PLEKHA7: variants seen among roughly 807,000 people sequenced by gnomAD.
PLEKHA7 encodes pleckstrin homology domain containing A7, also known as pleckstrin homology domain-containing family A member 7.
PLEKHA7 carries 104 observed loss-of-function variants against 170.0 expected under a neutral mutation model. The ratio of observed to expected loss-of-function variants is 0.61; its 90% CI spans 0.52 to 0.72. The LOEUF (loss-of-function observed/expected upper bound fraction) is 0.72, where lower values mean the gene tolerates loss of function less well. Among genes scored for constraint, PLEKHA7 ranks in the 30% least tolerant of loss-of-function variants. PLEKHA7 has a pLI of 0.00. For synonymous variants in PLEKHA7, 648 were observed against 660.8 expected (o/e 0.98, Z 0.30); for missense variants, 1,615 against 1,671.7 (o/e 0.97, Z 0.59).
chr11:16,941,820 A>T (rs921094429), intron 3 of PLEKHA7, among the ~76,000 whole-genome samples: 4 of 152,226 alleles, frequency 2.6e-5, no homozygotes, highest in African/African-American at 7.2e-5. Context: ...AACCTAATAC[A>T]TAAAGTAAAG....
rs966706280 is a variant in PLEKHA7 at position 16,831,837 on chromosome 11, G to A, written c.873-5247C>T. Among the ~76,000 whole-genome samples, 22 of 152,314 alleles carry A rather than the reference G, an allele frequency of 1.4e-4. No individual in the cohort carries two copies. The East Asian group carries it at 4.0e-3, about 28-fold the overall frequency. On this transcript the variant is annotated intron_variant, in intron 9 of 26. Transcript: ENST00000531066. ...CAGCACAGTGTCTGGCACACAGTAT[G>A]CCCTCAGATACAAATGTCTTCACTA... is the stretch of plus-strand genomic sequence containing the variant.
intron 3 of PLEKHA7, among the ~76,000 whole-genome samples, chr11:16,999,411 T>C (rs189288079): frequency 1.3e-5 from 2 of 152,046 alleles, no homozygotes; most frequent in East Asian, 1.9e-4. Flanking sequence ...CAGGCAGACA[T>C]AGGCCTCATT....
chr11:17,010,777 T>C (rs905742463), intron 3 of PLEKHA7, among the ~76,000 whole-genome samples: 5 of 152,068 alleles, frequency 3.3e-5, no homozygotes, highest in African/African-American at 1.2e-4. Context: ...TAGAGGAGGC[T>C]CCTGCCCTCA....
At chr11:16,814,223 A>G (rs998305083) in intron 12 of PLEKHA7, among the ~76,000 whole-genome samples, 3 of 152,222 alleles carry the variant, frequency 2.0e-5, no homozygotes, top group Non-Finnish European at 4.4e-5. Flanking sequence ...GTCCCTACAC[A>G]CTTGCCATAG....
intron 3 of PLEKHA7, among the ~76,000 whole-genome samples, chr11:17,000,679 T>C (rs1864611941): frequency 6.6e-6 from 1 of 152,222 alleles, no homozygotes; most frequent in Admixed American, 6.5e-5. Context: ...CTATATAGCA[T>C]GTACAAGTTG....
At chr11:16,992,664 G>A (rs138494730) in intron 3 of PLEKHA7, among the ~76,000 whole-genome samples, 7,729 of 151,586 alleles carry the variant, frequency 0.051, 373 homozygotes, top group East Asian at 0.15. Flanking sequence ...GCAGAGGCAG[G>A]AGAATCACTT....
intron 3 of PLEKHA7, among the ~76,000 whole-genome samples, chr11:16,919,915 G>A (rs1418165251): frequency 6.6e-6 from 1 of 152,160 alleles, no homozygotes; most frequent in Admixed American, 6.5e-5. Context: ...TTGACTTTGA[G>A]CTTCCCTTCT....
intron 3 of PLEKHA7, among the ~76,000 whole-genome samples, chr11:16,956,478 AG>A (rs779435020): frequency 1.3e-5 from 2 of 152,344 alleles, no homozygotes; most frequent in Non-Finnish European, 2.9e-5. Flanking sequence ...AACACAGCAA[AG>A]ATAGACTCTC....
At chr11:16,903,501 C>G (rs1036982904) in intron 3 of PLEKHA7, among the ~76,000 whole-genome samples, 1 of 152,130 alleles carries the variant, frequency 6.6e-6, no homozygotes. Context: ...TGCACAGACG[C>G]CTACATTAGA....
At chr11:16,831,863 C>T (rs1032590770) in intron 9 of PLEKHA7, among the ~76,000 whole-genome samples, 6 of 152,200 alleles carry the variant, frequency 3.9e-5, no homozygotes, top group East Asian at 1.9e-4. Context: ...GTCTTCACTA[C>T]CCAGTAGGTA....
intron 17 of PLEKHA7, 57 bp downstream of exon 17, chr11:16,800,917 C>A: frequency 1.3e-6 from 2 of 1,483,846 alleles, no homozygotes; most frequent in Non-Finnish European, 1.9e-6. Flanking sequence ...CTTGGAAAAA[C>A]AAAAAACAAA....
At chr11:16,824,665 A>C (rs1564965720) in intron 10 of PLEKHA7, among the ~76,000 whole-genome samples, 1 of 152,220 alleles carries the variant, frequency 6.6e-6, no homozygotes, top group Non-Finnish European at 1.5e-5. Flanking sequence ...ACCCTCCTGG[A>C]CTACTGCAAT....
chr11:16,959,812 A>T (rs1445791355), intron 3 of PLEKHA7, among the ~76,000 whole-genome samples: 1 of 151,998 alleles, frequency 6.6e-6, no homozygotes, highest in Non-Finnish European at 1.5e-5. Context: ...CTCCCATAAA[A>T]CCTGCTTCTG....
At chr11:16,837,372 A>AT (rs141676914) in intron 9 of PLEKHA7, among the ~76,000 whole-genome samples, 32 of 152,246 alleles carry the variant, frequency 2.1e-4, no homozygotes, top group African/African-American at 7.5e-4. Flanking sequence ...TCAATCATGC[A>AT]TTTTTTCCTA....
chr11:16,900,856 T>A (rs550290306), intron 3 of PLEKHA7, among the ~76,000 whole-genome samples: 52 of 151,980 alleles, frequency 3.4e-4, no homozygotes, highest in Middle Eastern at 3.4e-3. Context: ...TTTTATTTTT[T>A]TTTTTTTTTG....
At chr11:16,850,277 G>A (rs1289681264) in intron 8 of PLEKHA7, among the ~76,000 whole-genome samples, 1 of 152,160 alleles carries the variant, frequency 6.6e-6, no homozygotes, top group Non-Finnish European at 1.5e-5. Context: ...AGTGTAGTGG[G>A]GACAGGAGCC....
chr11:16,820,520 G>A (rs984108253), intron 10 of PLEKHA7, among the ~76,000 whole-genome samples: 1 of 151,974 alleles, frequency 6.6e-6, no homozygotes, highest in Non-Finnish European at 1.5e-5. Flanking sequence ...CCTCTGAGAC[G>A]GGGCAGTGCC....
At chr11:16,868,058 G>C (rs1476986195) in intron 4 of PLEKHA7, among the ~76,000 whole-genome samples, 1 of 151,312 alleles carries the variant, frequency 6.6e-6, no homozygotes, top group Non-Finnish European at 1.5e-5. Flanking sequence ...TCCCCTCTAA[G>C]TCTTTGCCCA....
intron 3 of PLEKHA7, among the ~76,000 whole-genome samples, chr11:16,973,223 C>T (rs1230419971): frequency 6.6e-6 from 1 of 152,208 alleles, no homozygotes; most frequent in African/African-American, 2.4e-5. Flanking sequence ...TCTCACAGGG[C>T]CTTCCAGCCC....
Sources: allele counts gnomAD v4.1 joint callset (sites outside exome capture counted in the v4.1 genomes callset), GRCh38; gene constraint gnomAD v4.1.1; transcripts MANE v1.5; gene names NCBI Gene and HGNC (gene_info 2026-07-23, HGNC 2026-07-21).